Variants in STK3 observed in about 807,000 individuals in gnomAD.
The protein encoded by STK3 is serine/threonine-protein kinase 3.
A neutral mutation model predicts 58.0 loss-of-function variants in STK3; 41 were observed. That is an observed-to-expected ratio of 0.71 (90% CI 0.55 to 0.92). The LOEUF is 0.92. Among genes scored for constraint, STK3 ranks in the 40% least tolerant of loss-of-function variants. The pLI is 0.00. For missense variants in STK3, 479 were observed against 602.7 expected, an observed-to-expected ratio of 0.79 and a Z score of 2.15; for synonymous variants, 170 against 191.0, an observed-to-expected ratio of 0.89 and a Z score of 0.91.
At chr8:98,630,685 A>G (rs1367783387) in intron 6 of STK3, among the ~76,000 whole-genome samples, 1 of 149,912 alleles carries the variant, frequency 6.7e-6, no homozygotes, top group Non-Finnish European at 1.5e-5. Context: ...GAAGGAGGAG[A>G]AGGAGAAGAA....
chr8:98,365,798 G>A, the STK3 span, among the ~76,000 whole-genome samples: 17 of 152,100 alleles, frequency 1.1e-4, no homozygotes, highest in African/African-American at 4.1e-4. Flanking sequence ...ATAATATTCT[G>A]CAACTTGCTT....
intron 9 of STK3, among the ~76,000 whole-genome samples, chr8:98,546,473 A>G (rs1810713299): frequency 6.6e-6 from 1 of 152,186 alleles, no homozygotes; most frequent in Admixed American, 6.5e-5. Flanking sequence ...CTCCCTAAAG[A>G]CACAAAAAAG....
intron 3 of STK3, among the ~76,000 whole-genome samples, chr8:98,874,209 T>C (rs1013677460): frequency 2.0e-5 from 3 of 152,240 alleles, no homozygotes; most frequent in Non-Finnish European, 2.9e-5. Context: ...TGCCAAGACA[T>C]CCGCTGTTAG....
chr8:98,704,481 T>C (rs1825828233), intron 6 of STK3, among the ~76,000 whole-genome samples: 1 of 151,940 alleles, frequency 6.6e-6, no homozygotes. Flanking sequence ...AAAAGAGAAA[T>C]TTACTTGGGC....
intron 10 of STK3, among the ~76,000 whole-genome samples, chr8:98,475,246 T>A (rs1248596128): frequency 6.6e-6 from 1 of 152,142 alleles, no homozygotes; most frequent in Non-Finnish European, 1.5e-5. Flanking sequence ...AGCCGGAAGC[T>A]TTGTGGACTC....
At chr8:98,599,617 G>A (rs1417307436) in intron 6 of STK3, among the ~76,000 whole-genome samples, 1 of 152,110 alleles carries the variant, frequency 6.6e-6, no homozygotes, top group African/African-American at 2.4e-5. Context: ...AGTTAGGAAA[G>A]GGATGGAGAA....
chr8:98,751,130 A>C (rs1181280545), intron 3 of STK3, among the ~76,000 whole-genome samples: 1 of 152,114 alleles, frequency 6.6e-6, no homozygotes, highest in African/African-American at 2.4e-5. Context: ...TATATGAAAA[A>C]CCCACAGCCA....
chr8:98,714,558 A>G (rs1826834824), intron 4 of STK3, among the ~76,000 whole-genome samples: 1 of 152,236 alleles, frequency 6.6e-6, no homozygotes, highest in Non-Finnish European at 1.5e-5. Context: ...TAAAATGCCT[A>G]GGAATCCAAC....
At chr8:98,738,950 G>T (rs1828900265) in intron 4 of STK3, among the ~76,000 whole-genome samples, 1 of 152,242 alleles carries the variant, frequency 6.6e-6, no homozygotes, top group Non-Finnish European at 1.5e-5. Flanking sequence ...TCCCACACCT[G>T]GCTCGGAGGG....
At chr8:98,842,286 A>G (rs1401062570) in intron 3 of STK3, among the ~76,000 whole-genome samples, 2 of 152,226 alleles carry the variant, frequency 1.3e-5, no homozygotes, top group African/African-American at 4.8e-5. Flanking sequence ...GTTAATTCTC[A>G]AGTTAAAATG....
At chr8:98,700,167 T>G (rs1825427724) in intron 6 of STK3, among the ~76,000 whole-genome samples, 1 of 152,076 alleles carries the variant, frequency 6.6e-6, no homozygotes, top group African/African-American at 2.4e-5. Context: ...GACCCTCTGA[T>G]CCAAGTGCGG....
At chr8:98,933,514 T>C (rs150430966) in intron 1 of STK3, among the ~76,000 whole-genome samples, 2,249 of 152,306 alleles carry the variant, frequency 0.015, 26 homozygotes, top group Middle Eastern at 0.024. Flanking sequence ...AGAATTGAAT[T>C]ACAGGGTAGA....
At chr8:98,736,763 A>T (rs1043210053) in intron 4 of STK3, among the ~76,000 whole-genome samples, 36 of 152,194 alleles carry the variant, frequency 2.4e-4, no homozygotes, top group African/African-American at 8.4e-4. Context: ...AAAATTTAGA[A>T]TCTATTGTCA....
At chr8:98,356,155 C>G in the STK3 span, among the ~76,000 whole-genome samples, 1 of 152,226 alleles carries the variant, frequency 6.6e-6, no homozygotes, top group Non-Finnish European at 1.5e-5. Context: ...CTTGAAGATT[C>G]TAACTCACAA....
intron 1 of STK3, among the ~76,000 whole-genome samples, chr8:98,790,162 C>T (rs574208957): frequency 5.0e-4 from 76 of 152,176 alleles, no homozygotes; most frequent in African/African-American, 1.7e-3. Flanking sequence ...GGAACCCTCC[C>T]GAAATCATTC....
At chr8:98,485,249 A>AT (rs1822163095) in intron 10 of STK3, among the ~76,000 whole-genome samples, 1 of 152,052 alleles carries the variant, frequency 6.6e-6, no homozygotes, top group Admixed American at 6.5e-5. Context: ...CTCAAAAAAA[A>AT]AAAATGTATT....
intron 1 of STK3, among the ~76,000 whole-genome samples, chr8:98,798,491 T>C (rs1434842910): frequency 6.6e-6 from 1 of 152,202 alleles, no homozygotes; most frequent in Non-Finnish European, 1.5e-5. Context: ...TTAGAGCATG[T>C]ACTCTTCTAG....
chr8:98,545,349 C>A (rs945647098), intron 9 of STK3, among the ~76,000 whole-genome samples: 1 of 152,062 alleles, frequency 6.6e-6, no homozygotes, highest in Non-Finnish European at 1.5e-5. Flanking sequence ...ATGAGGAGGC[C>A]TTAGGGATAT....
chr8:98,572,320 A>G (rs1813031705), intron 8 of STK3, among the ~76,000 whole-genome samples: 1 of 152,130 alleles, frequency 6.6e-6, no homozygotes, highest in South Asian at 2.1e-4. Context: ...TATATACACA[A>G]CCTAGATTAA....
Sources: allele counts gnomAD v4.1 joint callset (sites outside exome capture counted in the v4.1 genomes callset), GRCh38; gene constraint gnomAD v4.1.1; transcripts MANE v1.5; gene names NCBI Gene and HGNC (gene_info 2026-07-23, HGNC 2026-07-21).